BLOC1S6: variants seen among roughly 807,000 people sequenced by gnomAD.
BLOC1S6 encodes biogenesis of lysosomal organelles complex 1 subunit 6.
In BLOC1S6, 24 loss-of-function variants were observed where a neutral mutation model predicts 24.7. That is an observed-to-expected ratio of 0.97 (90% confidence interval 0.70 to 1.37). The LOEUF is 1.37. Among genes scored for constraint, BLOC1S6 ranks in the 40% most tolerant of loss-of-function variants. The pLI, the probability that BLOC1S6 is intolerant of heterozygous loss-of-function variation, is 0.00. For synonymous variants in BLOC1S6, 76 were observed against 72.6 expected, an observed-to-expected ratio of 1.05 and a Z score of -0.23; for missense variants, 175 against 196.2, an observed-to-expected ratio of 0.89 and a Z score of 0.64.
intron 3 of BLOC1S6, among the ~76,000 whole-genome samples, chr15:45,604,482 G>A (rs146675615): frequency 2.0e-5 from 3 of 152,090 alleles, no homozygotes; most frequent in Non-Finnish European, 4.4e-5. Context: ...AATATTTGTT[G>A]AATGAATGAA....
intron 3 of BLOC1S6, among the ~76,000 whole-genome samples, chr15:45,604,467 G>A (rs1894381947): frequency 6.6e-6 from 1 of 152,148 alleles, no homozygotes; most frequent in African/African-American, 2.4e-5. Context: ...TGTTGCAACA[G>A]AAGGAATATT....
At position 45,587,386 on chromosome 15, in the gene BLOC1S6, G is replaced by T. The variant is rs184502774; in HGVS notation, c.-58G>T. 192 of 1,490,944 alleles carry T rather than the reference G, an allele frequency of 1.3e-4. No individual in the cohort carries two copies. In the African/African-American group the frequency reaches 2.4e-3, roughly 19 times the overall value. 92.4% of individuals were successfully genotyped at this position (1,490,944 alleles called of 1,614,324 possible). Reference sequence around the variant, plus strand: ...CCAGCCGCTGGAGTCGTTAGGTGCCGCCTTGCTTCTGACGAGCCACACGTT... The same window carrying T: ...CCAGCCGCTGGAGTCGTTAGGTGCCTCCTTGCTTCTGACGAGCCACACGTT... On this transcript the variant is annotated 5_prime_UTR_variant, in exon 1 of 5. Coordinates refer to ENST00000220531, the MANE Select transcript of BLOC1S6 (RefSeq NM_012388.4).
chr15:45,590,657 C>T (rs1893852270), intron 1 of BLOC1S6, among the ~76,000 whole-genome samples: 1 of 152,132 alleles, frequency 6.6e-6, no homozygotes, highest in Admixed American at 6.6e-5. Context: ...ATCCGCCCAC[C>T]TCAGCCTCCC....
chr15:45,605,596 T>TC, intron 4 of BLOC1S6, 82 bp downstream of exon 4: 1 of 602,078 alleles, frequency 1.7e-6, no homozygotes, highest in Non-Finnish European at 2.5e-6. Context: ...TTCAGTATTC[T>TC]TTTTTTTTTT....
intron 2 of BLOC1S6, among the ~76,000 whole-genome samples, chr15:45,597,074 C>T (rs913380634): frequency 6.6e-6 from 1 of 152,266 alleles, no homozygotes; most frequent in African/African-American, 2.4e-5. Context: ...CTTTGCCTTT[C>T]CATATGAACT....
chr15:45,591,266 G>A (rs1893874933), intron 1 of BLOC1S6, among the ~76,000 whole-genome samples: 1 of 151,948 alleles, frequency 6.6e-6, no homozygotes, highest in Non-Finnish European at 1.5e-5. Flanking sequence ...TATCAAAATC[G>A]ATGTTGACCT....
At chr15:45,602,259 A>G in intron 2 of BLOC1S6, 3 of 576,148 alleles carry the variant, frequency 5.2e-6, no homozygotes, top group Non-Finnish European at 3.1e-6. Context: ...AGATGTTGTA[A>G]TTGCCCTGAG....
chr15:45,593,868 A>G (rs74971360), intron 2 of BLOC1S6, among the ~76,000 whole-genome samples: 2,196 of 152,270 alleles, frequency 0.014, 56 homozygotes, highest in African/African-American at 0.051. Context: ...CTTATTTACA[A>G]TTGAGGAAAC....
intron 2 of BLOC1S6, chr15:45,602,522 T>C: frequency 2.0e-6 from 1 of 506,072 alleles, no homozygotes; most frequent in East Asian, 3.1e-5. Flanking sequence ...TGGTCTGATC[T>C]TCTCACTTTG....
chr15:45,606,770 G>A lies in BLOC1S6; in HGVS notation c.*256G>A. On this transcript the variant is annotated 3_prime_UTR_variant, in exon 5 of 5. Coordinates refer to ENST00000220531, the MANE Select transcript of BLOC1S6 (RefSeq NM_012388.4). ...TTTGATCTTGAATTATTTATAAACT[G>A]GAAAGTGGTTTGATTATTGTGAGTC... 2 of 464,874 alleles carry A rather than the reference G, an allele frequency of 4.3e-6. No individual in the cohort carries two copies. Among genetic ancestry groups the A allele is most frequent in the Non-Finnish European group, 7.6e-6 (2 of 264,176 alleles). The allele number at this position is 464,874 out of a possible 1,614,324, so 28.8% of individuals were successfully genotyped here.
In BLOC1S6 at chr15:45,603,104, A is replaced by C; in HGVS notation, c.229A>C (p.Asn77His). Residue 77 changes from asparagine to histidine, a missense_variant, in exon 3 of 5, where the codon AAC becomes CAC. By Grantham distance (68) the Asn-to-His change is moderately conservative. Coordinates refer to ENST00000220531, the MANE Select transcript of BLOC1S6 (RefSeq NM_012388.4). Reference sequence around the variant, plus strand: ...GGCTGTGTGTTTTTGTTTCAGACAGAACCAAGTTGTATTGTTAGACACACT... The same window carrying C: ...GGCTGTGTGTTTTTGTTTCAGACAGCACCAAGTTGTATTGTTAGACACACT... ...SKQALQELTQ[N>H]QVVLLDTLEQ... 2.5e-6 allele frequency: 4 copies of C among 1,609,398 alleles called. No individual in the cohort carries two copies. The highest frequency in any genetic ancestry group is 3.4e-6 in the Non-Finnish European group (4 of 1,176,164).
Position 45,601,142 on chromosome 15 carries a change from C to T in BLOC1S6, c.225-1958C>T, listed in dbSNP as rs569706951. Reference sequence around the variant, plus strand: ...AACAACAATAACTAATAATAAAATACAGCAGTTATACTATAATAAAAGTTA... The same window carrying T: ...AACAACAATAACTAATAATAAAATATAGCAGTTATACTATAATAAAAGTTA... On this transcript the variant is annotated intron_variant, in intron 2 of 4. Transcript: ENST00000220531. 27 of 154,376 alleles carry T rather than the reference C, an allele frequency of 1.7e-4. 1 individual carries two copies. In the South Asian group the frequency reaches 4.7e-3, roughly 27 times the overall value. 9.6% of individuals were successfully genotyped at this position (154,376 alleles called of 1,614,324 possible).
rs532924446 is a variant in BLOC1S6, at chr15:45,608,742, T to C, written c.*2228T>C. ...GGATCCTACGTATTTTTTAAAAAACTCTCCAGATAATTTTGATGTCACGAG... is the reference window on the plus strand; with the variant it reads ...GGATCCTACGTATTTTTTAAAAAACCCTCCAGATAATTTTGATGTCACGAG... On this transcript the variant is annotated 3_prime_UTR_variant, in exon 5 of 5. Coordinates refer to ENST00000220531, the MANE Select transcript of BLOC1S6 (RefSeq NM_012388.4). 2 of 152,276 alleles carry C rather than the reference T, an allele frequency of 1.3e-5. No homozygotes were observed. Among genetic ancestry groups the C allele is most frequent in the East Asian group, 1.9e-4 (1 of 5,188 alleles). 9.4% of individuals were successfully genotyped at this position (152,276 alleles called of 1,614,324 possible). A position where few individuals can be genotyped will look rare whatever the true frequency, so the allele number is the denominator to read the frequency against.
intron 2 of BLOC1S6, chr15:45,597,953 A>G (rs776929352): frequency 1.6e-4 from 55 of 343,716 alleles, no homozygotes; most frequent in Admixed American, 7.6e-5. Flanking sequence ...ATACTGGCAA[A>G]CCGAATCCAG....
At chr15:45,600,254 T>A (rs974691825) in intron 2 of BLOC1S6, among the ~76,000 whole-genome samples, 31 of 150,260 alleles carry the variant, frequency 2.1e-4, no homozygotes, top group Middle Eastern at 3.4e-3. Flanking sequence ...GTGGGTGCAG[T>A]GCACCAGCAT....
At chr15:45,597,718 G>A (rs974920888) in intron 2 of BLOC1S6, among the ~76,000 whole-genome samples, 2 of 152,090 alleles carry the variant, frequency 1.3e-5, no homozygotes, top group South Asian at 4.1e-4. Context: ...TATTAACCTT[G>A]TATCCTGAAA....
intron 2 of BLOC1S6, among the ~76,000 whole-genome samples, chr15:45,600,021 G>C (rs932825579): frequency 6.6e-6 from 1 of 151,262 alleles, no homozygotes; most frequent in Non-Finnish European, 1.5e-5. Flanking sequence ...ATGAGTTCCT[G>C]TCCTTTGTAG....
At chr15:45,588,863 C>T (rs1326131799) in intron 1 of BLOC1S6, among the ~76,000 whole-genome samples, 1 of 152,184 alleles carries the variant, frequency 6.6e-6, no homozygotes, top group African/African-American at 2.4e-5. Flanking sequence ...ACCCATATTG[C>T]ATCCATTCCA....
Position 45,608,988 on chromosome 15 carries a change from A to T in BLOC1S6, c.*2474A>T, listed in dbSNP as rs568517979. ...ACCTGTTTAAAAACAAATCAAATTT[A>T]TTGAACAAATGACAAGGCACAAATA... On this transcript the variant is annotated 3_prime_UTR_variant, in exon 5 of 5. Transcript: ENST00000220531. 2.0e-5 allele frequency: 3 copies of T among 152,346 alleles called. No homozygotes were observed. The highest frequency in any genetic ancestry group is 4.1e-4 in the South Asian group (2 of 4,832). The allele number at this position is 152,346 out of a possible 1,614,324, so 9.4% of individuals were successfully genotyped here.
Sources: allele counts gnomAD v4.1 joint callset (sites outside exome capture counted in the v4.1 genomes callset), GRCh38; gene constraint gnomAD v4.1.1; transcripts MANE v1.5; gene names NCBI Gene and HGNC (gene_info 2026-07-23, HGNC 2026-07-21).